Variants in P2RY14 observed in about 807,000 individuals in gnomAD.
P2RY14 encodes the protein purinergic receptor P2Y14, also known as P2Y purinoceptor 14.
Under a neutral mutation model 0.9 loss-of-function variants are expected in P2RY14, and 2 were observed. The observed-to-expected ratio is 2.16, with a 90% CI of 0.88 to 6.79. The LOEUF is 6.79. Ranked by LOEUF, P2RY14 falls within the 30% of genes most tolerant of loss-of-function variation. The pLI is 0.05. For synonymous variants in P2RY14, 158 were observed against 147.2 expected, an observed-to-expected ratio of 1.07 and a Z score of -0.53; for missense variants, 378 against 400.1, an observed-to-expected ratio of 0.94 and a Z score of 0.47.
chr3:151,273,945 CT>C (rs1559968277), intron 1 of P2RY14, among the ~76,000 whole-genome samples: 1 of 152,128 alleles, frequency 6.6e-6, no homozygotes, highest in African/African-American at 2.4e-5. Context: ...AGAGTCTTTT[CT>C]TTTGAGGGAC....
At chr3:151,273,761 G>A (rs1741404443) in intron 1 of P2RY14, among the ~76,000 whole-genome samples, 1 of 152,064 alleles carries the variant, frequency 6.6e-6, no homozygotes, top group Non-Finnish European at 1.5e-5. Flanking sequence ...GTACACATAG[G>A]GACTGGTTGT....
At chr3:151,230,842 T>A (rs1484300039) in intron 1 of P2RY14, among the ~76,000 whole-genome samples, 1 of 152,214 alleles carries the variant, frequency 6.6e-6, no homozygotes, top group Non-Finnish European at 1.5e-5. Context: ...GACTTCCCAC[T>A]GTCAGTGAGC....
chr3:151,231,151 C>CA (rs1332338792), intron 1 of P2RY14, among the ~76,000 whole-genome samples: 1 of 152,122 alleles, frequency 6.6e-6, no homozygotes, highest in Non-Finnish European at 1.5e-5. Flanking sequence ...GTACAGATTA[C>CA]AAAAAGGTAG....
At chr3:151,243,477 C>G (rs1420472770) in intron 1 of P2RY14, among the ~76,000 whole-genome samples, 1 of 152,110 alleles carries the variant, frequency 6.6e-6, no homozygotes, top group African/African-American at 2.4e-5. Context: ...TTCTTAAAGA[C>G]AAGAATTTTC....
At chr3:151,270,311 T>G (rs1297014337) in intron 1 of P2RY14, among the ~76,000 whole-genome samples, 1 of 151,308 alleles carries the variant, frequency 6.6e-6, no homozygotes, top group Non-Finnish European at 1.5e-5. Flanking sequence ...TCAACTTATT[T>G]GGGGGGAAAA....
Position 151,247,314 on chromosome 3 carries a change from G to A in P2RY14, c.-132-27672C>T, listed in dbSNP as rs1016059577. 9.4e-4 allele frequency among the ~76,000 whole-genome samples: 143 copies of A among 152,046 alleles called. 1 individual carries two copies. The highest frequency in any genetic ancestry group is 1.7e-3 in the Non-Finnish European group (114 of 68,004). ...TGCTGCTATAAAGACACATGCACAC[G>A]TATGTTTATTGTGGCATTATTCACA... On this transcript the variant is annotated intron_variant, in intron 1 of 2. Coordinates refer to ENST00000309170, the MANE Select transcript of P2RY14 (RefSeq NM_014879.4).
intron 1 of P2RY14, chr3:151,248,729 T>G (rs1406690446): frequency 6.6e-6 from 1 of 152,188 alleles, no homozygotes; most frequent in African/African-American, 2.4e-5. Flanking sequence ...TGGAAAAGTC[T>G]TGCATAGCCT....
chr3:151,252,944 A>G (rs1161479966), intron 1 of P2RY14, among the ~76,000 whole-genome samples: 1 of 152,212 alleles, frequency 6.6e-6, no homozygotes, highest in Non-Finnish European at 1.5e-5. Flanking sequence ...TTAAAATGAC[A>G]TAGGGAATGT....
At chr3:151,252,800 A>G (rs1737099755) in intron 1 of P2RY14, among the ~76,000 whole-genome samples, 2 of 152,168 alleles carry the variant, frequency 1.3e-5, no homozygotes, top group South Asian at 4.1e-4. Context: ...AAGTTCTAGA[A>G]CTTATCTAGA....
At chr3:151,259,721 C>G (rs1738505810) in intron 1 of P2RY14, among the ~76,000 whole-genome samples, 1 of 152,220 alleles carries the variant, frequency 6.6e-6, no homozygotes, top group Non-Finnish European at 1.5e-5. Context: ...TATAAATACT[C>G]TGTGTTAATC....
intron 1 of P2RY14, among the ~76,000 whole-genome samples, chr3:151,235,886 A>G (rs1270490429): frequency 6.6e-6 from 1 of 151,694 alleles, no homozygotes; most frequent in African/African-American, 2.4e-5. Flanking sequence ...CATTCCCCCT[A>G]TGTCGCATTC....
chr3:151,220,055 T>C (rs1729035695), intron 1 of P2RY14, among the ~76,000 whole-genome samples: 1 of 150,098 alleles, frequency 6.7e-6, no homozygotes, highest in African/African-American at 2.5e-5. Context: ...GGCCAGATAA[T>C]TATTTATTTT....
chr3:151,220,999 A>T (rs949646536), intron 1 of P2RY14, among the ~76,000 whole-genome samples: 2 of 152,234 alleles, frequency 1.3e-5, no homozygotes, highest in Non-Finnish European at 2.9e-5. Context: ...CAAAATGCTG[A>T]TAGTGATATG....
intron 1 of P2RY14, among the ~76,000 whole-genome samples, chr3:151,236,683 T>A (rs1732889865): frequency 1.3e-5 from 2 of 152,250 alleles, no homozygotes; most frequent in Non-Finnish European, 2.9e-5. Flanking sequence ...AAAGTGTGTG[T>A]GAATGAAGTT....
chr3:151,238,075 C>G (rs1293434308), intron 1 of P2RY14, among the ~76,000 whole-genome samples: 3 of 152,154 alleles, frequency 2.0e-5, no homozygotes, highest in African/African-American at 7.2e-5. Flanking sequence ...TCTTTTCTAA[C>G]TAGTGCTTTT....
At chr3:151,260,783 G>C (rs956914056) in intron 1 of P2RY14, among the ~76,000 whole-genome samples, 1 of 152,126 alleles carries the variant, frequency 6.6e-6, no homozygotes, top group African/African-American at 2.4e-5. Flanking sequence ...CTGTATTCTT[G>C]TAAATAACTG....
intron 1 of P2RY14, among the ~76,000 whole-genome samples, chr3:151,258,728 T>G (rs538442294): frequency 8.1e-4 from 124 of 152,148 alleles, no homozygotes; most frequent in African/African-American, 2.7e-3. Flanking sequence ...GGTGCATGCC[T>G]GTAGTCCCAG....
chr3:151,218,731 G>A (rs903311027), intron 2 of P2RY14, among the ~76,000 whole-genome samples: 4 of 151,702 alleles, frequency 2.6e-5, no homozygotes, highest in Non-Finnish European at 5.9e-5. Context: ...GCCAGGTGTG[G>A]TGGCATACAC....
chr3:151,247,358 C>T (rs1735783802), intron 1 of P2RY14, among the ~76,000 whole-genome samples: 1 of 152,034 alleles, frequency 6.6e-6, no homozygotes, highest in Non-Finnish European at 1.5e-5. Flanking sequence ...GACTTGGAAC[C>T]AAGCCAAATG....
Sources: gnomAD v4.1 joint callset for allele counts (sites outside exome capture counted in the v4.1 genomes callset) on GRCh38, gnomAD v4.1.1 for gene constraint, MANE v1.5 for transcripts, NCBI Gene and HGNC (gene_info 2026-07-23, HGNC 2026-07-21) for gene names.